The following CCDC93 variants were observed in gnomAD, a reference collection of about 807,000 sequenced individuals.
CCDC93 encodes the protein coiled-coil domain-containing protein 93.
A neutral mutation model predicts 108.2 loss-of-function variants in CCDC93; 61 were observed. The observed-to-expected ratio is 0.56, with a 90% confidence interval of 0.46 to 0.70. The LOEUF (loss-of-function observed/expected upper bound fraction) is 0.70, where lower values mean the gene tolerates loss of function less well. Ranked by LOEUF, CCDC93 falls within the 30% of genes least tolerant of loss-of-function variation. The probability of loss-of-function intolerance (pLI) is 0.00; values close to 1 mark genes in which losing one functional copy is unlikely to be tolerated. For synonymous variants in CCDC93, 276 were observed against 260.4 expected (o/e 1.06, Z -0.58); for missense variants, 685 against 764.2 (o/e 0.90, Z 1.22).
At chr2:117,924,762 T>G (rs1218975418) in intron 23 of CCDC93, among the ~76,000 whole-genome samples, 1 of 152,096 alleles carries the variant, frequency 6.6e-6, no homozygotes, top group South Asian at 2.1e-4. Flanking sequence ...ACATTCAAAT[T>G]TAGGAAATAC....
Position 117,936,746 on chromosome 2 carries a change from A to G in CCDC93, c.1606-7T>C, listed in dbSNP as rs964601280. The stretch of plus-strand genomic sequence containing the variant: ...TTGAGTTCAGCAGACTAATCTGGGG[A>G]AGTAAAAAAACAAACGAAATTATAA... On this transcript the variant is annotated splice_polypyrimidine_tract_variant and splice_region_variant and intron_variant, in intron 20 of 23. Coordinates refer to ENST00000376300, the MANE Select transcript of CCDC93 (RefSeq NM_019044.5). 7 of 1,612,474 alleles carry G rather than the reference A, an allele frequency of 4.3e-6. No homozygotes were observed. Among genetic ancestry groups the G allele is most frequent in the Admixed American group, 1.7e-5 (1 of 60,002 alleles).
intron 4 of CCDC93, 176 bp from the exon 5 acceptor site, chr2:117,996,538 G>C: frequency 3.7e-6 from 2 of 540,856 alleles, no homozygotes; most frequent in Non-Finnish European, 3.3e-6. Context: ...GGGTATCCAA[G>C]ATGTTAAGAT....
chr2:118,007,654 G>C (rs1213898101), intron 2 of CCDC93, among the ~76,000 whole-genome samples: 1 of 152,142 alleles, frequency 6.6e-6, no homozygotes, highest in Admixed American at 6.5e-5. Context: ...GGGCAGCAGA[G>C]AGACTCCATC....
In CCDC93 at chr2:117,995,426, A is replaced by T. The variant is rs1680613668; in HGVS notation, c.519+20T>A. The stretch of plus-strand genomic sequence containing the variant: ...AGGCTACGCAGGACTCTGACAGAAG[A>T]ATACGGCCAGGGGACTTACTGAGAG... On this transcript the variant is annotated intron_variant, in intron 6 of 23. Coordinates refer to ENST00000376300, the MANE Select transcript of CCDC93 (RefSeq NM_019044.5). 6.3e-7 allele frequency: 1 copy of T among 1,596,192 alleles called. No individual in the cohort carries two copies. The highest frequency in any genetic ancestry group is 1.3e-5 in the African/African-American group (1 of 74,522).
intron 7 of CCDC93, chr2:117,985,426 C>T (rs2104799325): frequency 2.1e-6 from 2 of 971,996 alleles, no homozygotes; most frequent in South Asian, 9.5e-5. Flanking sequence ...GAATGCGTGA[C>T]ATAAAAGGTT....
At chr2:118,006,885 G>T in intron 2 of CCDC93, 69 bp from the exon 3 acceptor site, 1 of 929,018 alleles carries the variant, frequency 1.1e-6, no homozygotes, top group Non-Finnish European at 1.8e-6. Flanking sequence ...GTGGAAGGTA[G>T]ATGGATTATA....
At chr2:117,970,486 C>T (rs564550289) in intron 11 of CCDC93, among the ~76,000 whole-genome samples, 2 of 152,138 alleles carry the variant, frequency 1.3e-5, no homozygotes, top group African/African-American at 4.8e-5. Flanking sequence ...AACTTGGGTA[C>T]AAATTCCTTG....
chr2:117,995,582 A>G, intron 5 of CCDC93, 80 bp from the exon 6 acceptor site: 1 of 1,084,352 alleles, frequency 9.2e-7, no homozygotes, highest in Non-Finnish European at 1.4e-6. Context: ...ATGTCTTATA[A>G]ATTGACTTCT....
At position 117,920,279 on chromosome 2, in the gene CCDC93, T is replaced by A; in HGVS notation, c.*64A>T. ...TGTCGCTTTCAGAACCATTTCATGA[T>A]CTTGTAGGTGATATACGGTGCTTAA... On this transcript the variant is annotated 3_prime_UTR_variant, in exon 24 of 24. Coordinates refer to ENST00000376300, the MANE Select transcript of CCDC93 (RefSeq NM_019044.5). The A allele has an allele frequency of 2.8e-6, 3 of 1,086,400 alleles. No homozygotes were observed. Among genetic ancestry groups the A allele is most frequent in the Non-Finnish European group, 4.2e-6 (3 of 713,376 alleles). 67.3% of individuals were successfully genotyped at this position (1,086,400 alleles called of 1,614,324 possible).
At chr2:117,976,678 A>C (rs1388554499) in intron 8 of CCDC93, among the ~76,000 whole-genome samples, 1 of 152,196 alleles carries the variant, frequency 6.6e-6, no homozygotes, top group African/African-American at 2.4e-5. Flanking sequence ...TAATGTACAA[A>C]GAATCAGTAA....
intron 11 of CCDC93, among the ~76,000 whole-genome samples, chr2:117,969,924 CTTACA>C (rs377412711): frequency 5.4e-4 from 82 of 152,250 alleles, no homozygotes; most frequent in African/African-American, 1.8e-3. Flanking sequence ...TTCAAGTCAC[CTTACA>C]TAAGTCCAAA....
In CCDC93 at chr2:117,949,791, T is replaced by G. The variant is rs1405804767; in HGVS notation, c.1069-396A>C. On this transcript the variant is annotated intron_variant, in intron 13 of 23. Transcript: ENST00000376300. Reference sequence around the variant, plus strand: ...AACTTGCAGCCACCCCTTCTTGCCCTAAGACCCCCAAACATCCAGACTATT... The same window carrying G: ...AACTTGCAGCCACCCCTTCTTGCCCGAAGACCCCCAAACATCCAGACTATT... The G allele has an allele frequency of 3.0e-6, 3 of 985,256 alleles. No homozygotes were observed. The African/African-American group carries it at 5.2e-5, about 17-fold the overall frequency. 61.0% of individuals were successfully genotyped at this position (985,256 alleles called of 1,614,324 possible). A position where few individuals can be genotyped will look rare whatever the true frequency, so the allele number is the denominator to read the frequency against.
chr2:117,938,929 A>C, intron 20 of CCDC93, 100 bp downstream of exon 20: 1 of 652,888 alleles, frequency 1.5e-6, no homozygotes, highest in Non-Finnish European at 2.8e-6. Flanking sequence ...CTTTCTGCTA[A>C]TGCTGAACAT....
At chr2:117,946,268 G>A (rs1361145620) in intron 16 of CCDC93, among the ~76,000 whole-genome samples, 1 of 152,198 alleles carries the variant, frequency 6.6e-6, no homozygotes, top group Non-Finnish European at 1.5e-5. Flanking sequence ...TACAATTTAA[G>A]GTTCAGTGAA....
intron 12 of CCDC93, among the ~76,000 whole-genome samples, chr2:117,953,868 T>C (rs1263683048): frequency 6.6e-6 from 1 of 152,074 alleles, no homozygotes; most frequent in East Asian, 1.9e-4. Context: ...GACTCTAGCG[T>C]AGATGATGGA....
At chr2:117,975,791 G>A (rs1408437389) in intron 8 of CCDC93, among the ~76,000 whole-genome samples, 1 of 152,186 alleles carries the variant, frequency 6.6e-6, no homozygotes, top group Non-Finnish European at 1.5e-5. Context: ...ACTGAATCAT[G>A]ATGAAAAATT....
intron 6 of CCDC93, among the ~76,000 whole-genome samples, chr2:117,988,923 C>A (rs116210680): frequency 0.019 from 2,950 of 152,260 alleles, 48 homozygotes; most frequent in Non-Finnish European, 0.027. Context: ...AGCCCCACCT[C>A]AGGTCTCCTT....
intron 13 of CCDC93, chr2:117,951,378 C>T (rs1430065496): frequency 2.0e-6 from 2 of 985,172 alleles, no homozygotes; most frequent in Non-Finnish European, 1.2e-6. Flanking sequence ...CATGTGCCTG[C>T]CCTTTTGAAA....
chr2:117,959,189 A>C (rs895930672), intron 11 of CCDC93, among the ~76,000 whole-genome samples: 16 of 152,240 alleles, frequency 1.1e-4, no homozygotes, highest in African/African-American at 3.6e-4. Flanking sequence ...ATTCCTGAAA[A>C]ACCACACAAA....
Sources: gnomAD v4.1 joint callset for allele counts (sites outside exome capture counted in the v4.1 genomes callset) on GRCh38, gnomAD v4.1.1 for gene constraint, MANE v1.5 for transcripts, NCBI Gene and HGNC (gene_info 2026-07-23, HGNC 2026-07-21) for gene names.